The following GSG1 variants were observed in gnomAD, a reference collection of about 807,000 sequenced individuals.
GSG1 encodes the protein germ cell associated 1.
A neutral mutation model predicts 30.8 loss-of-function variants in GSG1; 28 were observed. The ratio of observed to expected loss-of-function variants is 0.91; its 90% CI spans 0.67 to 1.25. The LOEUF (loss-of-function observed/expected upper bound fraction) is 1.25. Among genes scored for constraint, GSG1 ranks in the 50% most tolerant of loss-of-function variants. GSG1 has a pLI of 0.00. For synonymous variants in GSG1, 162 were observed against 178.0 expected (o/e 0.91, Z 0.71); for missense variants, 435 against 444.7 (o/e 0.98, Z 0.20).
chr12:13,085,349 G>A (rs1417595563), intron 6 of GSG1, 106 bp from the exon 7 acceptor site: 2 of 1,012,948 alleles, frequency 2.0e-6, no homozygotes, highest in South Asian at 3.6e-5. Flanking sequence ...GCCTTGTAGG[G>A]ATTTAGGGAC....
In GSG1 at chr12:13,087,198, G is replaced by C. The variant is rs766068348; in HGVS notation, c.700C>G (p.Pro234Ala). Residue 234 changes from proline to alanine, a missense_variant, in exon 6 of 7, where the codon CCA (proline) becomes GCA (alanine). Transcript: ENST00000651961. ...CAAACATGTGGTCTCCAGTCTTCTG[G>C]ACCCAAGTTGACAGTCGCTTGGAAG... is the stretch of plus-strand genomic sequence containing the variant. ...QVFQATVNLG[P>A]EDWRPHVWNY... 6.2e-7 allele frequency: 1 copy of C among 1,614,066 alleles called. No individual in the cohort carries two copies. Among genetic ancestry groups the C allele is most frequent in the South Asian group, 1.1e-5 (1 of 91,072 alleles).
intron 5 of GSG1, 149 bp from the exon 6 acceptor site, chr12:13,087,412 A>C (rs1450501211): frequency 3.3e-6 from 2 of 610,870 alleles, no homozygotes; most frequent in Non-Finnish European, 5.9e-6. Flanking sequence ...CCCGAAGACT[A>C]ATTCACAATG....
At position 13,087,910 on chromosome 12, in the gene GSG1, A is replaced by T. The variant is rs919646957; in HGVS notation, c.631T>A (p.Ser211Thr). ...TCTCACTCCAGGAGCAACTCACCTGACAGGACAGAGGAAACAGCAGCAAAG... is the reference window on the plus strand; with the variant it reads ...TCTCACTCCAGGAGCAACTCACCTGTCAGGACAGAGGAAACAGCAGCAAAG... ...SAFAAVSSVLSGLLGMVAHMM... is the reference protein window; with the variant it reads ...SAFAAVSSVLTGLLGMVAHMM... Residue 211 changes from serine to threonine, a missense_variant, in exon 5 of 7, where the codon TCA becomes ACA. Transcript: ENST00000651961. The T allele has an allele frequency of 6.2e-6, 10 of 1,613,854 alleles. No homozygotes were observed. The African/African-American group carries it at 1.2e-4, about 19-fold the overall frequency.
At chr12:13,088,825 C>T (rs765401997) in intron 4 of GSG1, 37 bp downstream of exon 4, 15 of 1,614,152 alleles carry the variant, frequency 9.3e-6, no homozygotes, top group Admixed American at 6.7e-5. Flanking sequence ...GTGACATGGG[C>T]CTTGCAACGT....
At chr12:13,095,697 G>C in intron 1 of GSG1, 1 of 1,603,794 alleles carries the variant, frequency 6.2e-7, no homozygotes, top group Non-Finnish European at 8.5e-7. Flanking sequence ...AATGCAAACT[G>C]TCTTCCTACC....
Position 13,083,709 on chromosome 12 carries a change from G to A in GSG1, c.*1192C>T, listed in dbSNP as rs1406310604. ...CCTCCCCCCACCCCATGACAGGCCC[G>A]GTGTGTGATGTTCCCCACCCTGTGT... is the stretch of plus-strand genomic sequence containing the variant. On this transcript the variant is annotated 3_prime_UTR_variant, in exon 7 of 7. Transcript: ENST00000651961. The A allele has an allele frequency of 3.9e-4, 43 of 111,098 alleles. No homozygotes were observed. Among genetic ancestry groups the A allele is most frequent in the African/African-American group, 1.5e-3 (41 of 27,066 alleles). The allele number at this position is 111,098 out of a possible 1,614,324, so 6.9% of individuals were successfully genotyped here. A position where few individuals can be genotyped will look rare whatever the true frequency, so the allele number is the denominator to read the frequency against.
chr12:13,089,230 G>C lies in GSG1; in HGVS notation c.411C>G (p.Ser137=). The C allele has an allele frequency of 6.4e-7, 1 of 1,558,748 alleles. No homozygotes were observed. The highest frequency in any genetic ancestry group is 2.4e-5 in the East Asian group (1 of 41,748). ...QSWKQFRALR[S]SGTAAAKGER... is the part of the protein sequence containing the mutation. ...TACCTTTTGCTGCCGCTGTACCACT[G>C]GACCGAAGGGCTCTAAATTGTTTCC... The change falls in exon 3 of 7, where the codon TCC becomes TCG. Residue 137 remains serine (S), a synonymous_variant. Transcript: ENST00000651961.
chr12:13,094,875 T>C (rs1866524771), intron 1 of GSG1, among the ~76,000 whole-genome samples: 1 of 152,202 alleles, frequency 6.6e-6, no homozygotes, highest in African/African-American at 2.4e-5. Context: ...CTTCAAGTTA[T>C]ATATATTTGC....
At chr12:13,096,826 G>T (rs370103567) in intron 1 of GSG1, among the ~76,000 whole-genome samples, 38 of 152,142 alleles carry the variant, frequency 2.5e-4, no homozygotes, top group African/African-American at 7.7e-4. Flanking sequence ...GATGGTTCAT[G>T]CCTGCAATCC....
rs770108149 is a variant in GSG1, at chr12:13,090,780, G to T, written c.87C>A (p.Leu29=). The T allele has an allele frequency of 1.2e-6, 2 of 1,614,024 alleles. No homozygotes were observed. Among genetic ancestry groups the T allele is most frequent in the Non-Finnish European group, 8.5e-7 (1 of 1,179,946 alleles). ...ATAGCATGCTGAGGATGGCAGATAG[G>T]AGTGTCCGCTGGCCAGAGAAGGCCT... ...LSKAFSGQRT[L]LSAILSMLSL... The change falls in exon 2 of 7, where the codon CTC becomes CTA. Residue 29 remains leucine (L), a synonymous_variant. Coordinates refer to ENST00000651961, the MANE Select transcript of GSG1 (RefSeq NM_001080555.4).
At position 13,084,995 on chromosome 12, in the gene GSG1, A is replaced by G. The variant is rs1250723933; in HGVS notation, c.995T>C (p.Phe332Ser). 3 of 1,554,560 alleles carry G rather than the reference A, an allele frequency of 1.9e-6. No individual in the cohort carries two copies. The Admixed American group carries it at 5.9e-5, about 30-fold the overall frequency. The change falls in exon 7 of 7, where the codon TTC (phenylalanine) becomes TCC (serine). Residue 332 changes from phenylalanine (F) to serine (S), a missense_variant. By Grantham distance (155) the Phe-to-Ser change is radical. Coordinates refer to ENST00000651961, the MANE Select transcript of GSG1 (RefSeq NM_001080555.4). ...PIHSVSEGVD[F>S]YSELRNKGFQ... ...TCCCTTGTTCCGCAGCTCGGAGTAG[A>G]AGTCGACTCCCTCAGAGACAGAGTG...
chr12:13,091,278 G>T (rs1190455553), intron 1 of GSG1, among the ~76,000 whole-genome samples: 1 of 152,210 alleles, frequency 6.6e-6, no homozygotes, highest in African/African-American at 2.4e-5. Context: ...GACCTAGCTT[G>T]TGTGACTGTA....
At position 13,085,274 on chromosome 12, in the gene GSG1, G is replaced by T. The variant is rs755775523; in HGVS notation, c.747-31C>A. The T allele has an allele frequency of 3.2e-6, 5 of 1,559,046 alleles. No homozygotes were observed. In the Admixed American group the frequency reaches 9.2e-5, roughly 29 times the overall value. ...GACAAATGCACAAAAAGATTGGACA[G>T]TAAGAATAGGACTTTCTTGAGAGAA... On this transcript the variant is annotated intron_variant, in intron 6 of 6. Coordinates refer to ENST00000651961, the MANE Select transcript of GSG1 (RefSeq NM_001080555.4).
rs183953917 is a variant in GSG1, at chr12:13,097,488, C to T, written c.48+5977G>A. ...CCTCCCAAAGTGCTGGGATTACAGG[C>T]GTGAGCCACTGCACCCGGCCTTCTC... On this transcript the variant is annotated intron_variant, in intron 1 of 6. Coordinates refer to ENST00000651961, the MANE Select transcript of GSG1 (RefSeq NM_001080555.4). Among the ~76,000 whole-genome samples the T allele has an allele frequency of 9.9e-5, 15 of 152,170 alleles. No individual in the cohort carries two copies. The East Asian group carries it at 1.9e-3, about 20-fold the overall frequency.
At chr12:13,099,750 G>GTTTTGT (rs1863022060) in intron 1 of GSG1, among the ~76,000 whole-genome samples, 17 of 114,824 alleles carry the variant, frequency 1.5e-4, no homozygotes, top group Non-Finnish European at 1.8e-4. Flanking sequence ...GTTTTTTTTT[G>GTTTTGT]TTTTTTTTTT....
intron 6 of GSG1, among the ~76,000 whole-genome samples, chr12:13,086,718 G>A (rs924312869): frequency 2.6e-5 from 4 of 151,594 alleles, no homozygotes; most frequent in Non-Finnish European, 5.9e-5. Context: ...AAGAGGAGAG[G>A]AGTAAGCCAT....
rs1229912269 is a variant in GSG1 at position 13,084,478 on chromosome 12, G to A, written c.*423C>T. 5 of 164,662 alleles carry A rather than the reference G, an allele frequency of 3.0e-5. No homozygotes were observed. Among genetic ancestry groups the A allele is most frequent in the African/African-American group, 1.2e-4 (5 of 41,756 alleles). The allele number at this position is 164,662 out of a possible 1,614,324, so 10.2% of individuals were successfully genotyped here. ...TCTGTCTTCCCATCTGTGACTTCCAGAACAATTCGCGCGTACCATGGAAAG... is the reference window on the plus strand; with the variant it reads ...TCTGTCTTCCCATCTGTGACTTCCAAAACAATTCGCGCGTACCATGGAAAG... On this transcript the variant is annotated 3_prime_UTR_variant, in exon 7 of 7. Transcript: ENST00000651961.
chr12:13,087,968 A>G lies in GSG1; in HGVS notation c.573T>C (p.Thr191=), dbSNP rs1356458071. The change falls in exon 5 of 7, where the codon ACT becomes ACC. Residue 191 remains threonine, a synonymous_variant. Coordinates refer to ENST00000651961, the MANE Select transcript of GSG1 (RefSeq NM_001080555.4). ...FLLLLTDLLL[T]GNPACGLKLS... ...GTTTGAGCCCACAGGCAGGGTTCCC[A>G]GTGAGTAGCAAGTCTGTTAGTAGCA... The G allele has an allele frequency of 6.2e-7, 1 of 1,614,252 alleles. No homozygotes were observed. The highest frequency in any genetic ancestry group is 1.1e-5 in the South Asian group (1 of 91,090).
chr12:13,098,113 AAGG>A (rs1862867271), intron 1 of GSG1, among the ~76,000 whole-genome samples: 1 of 151,968 alleles, frequency 6.6e-6, no homozygotes, highest in Non-Finnish European at 1.5e-5. Flanking sequence ...TCTCCTTTGG[AAGG>A]AGAAGCAGGA....
Sources: gnomAD v4.1 joint callset for allele counts (sites outside exome capture counted in the v4.1 genomes callset) on GRCh38, gnomAD v4.1.1 for gene constraint, MANE v1.5 for transcripts, NCBI Gene and HGNC (gene_info 2026-07-23, HGNC 2026-07-21) for gene names.